The following MOB3A variants were observed in gnomAD, a reference collection of about 807,000 sequenced individuals.
The protein encoded by MOB3A is MOB LAK.
MOB3A carries 17 observed loss-of-function variants against 17.8 expected under a neutral mutation model. The ratio of observed to expected loss-of-function variants is 0.95; its 90% confidence interval spans 0.65 to 1.43. The LOEUF (loss-of-function observed/expected upper bound fraction) is 1.43. Ranked by LOEUF, MOB3A falls within the 40% of genes most tolerant of loss-of-function variation. The pLI, the probability that MOB3A is intolerant of heterozygous loss-of-function variation, is 0.00. For missense variants in MOB3A, 333 were observed against 310.8 expected (o/e 1.07, Z -0.54); for synonymous variants, 124 against 133.2 (o/e 0.93, Z 0.48).
Position 2,093,507 on chromosome 19 carries a change from G to A in MOB3A, c.-274+2719C>T, listed in dbSNP as rs531477509. ...ACACAGTGGGTGGCTGTGGTCCAGC[G>A]TGTGCCTGGCTGTGTATTTAGTAGA... On this transcript the variant is annotated intron_variant, in intron 1 of 4. Transcript: ENST00000357066. This position sits in a 1 kb window ranked among gnomAD's most constrained non-coding sequence, Gnocchi z 4.6. Among the ~76,000 whole-genome samples, 2 of 152,268 alleles carry A rather than the reference G, an allele frequency of 1.3e-5. No individual in the cohort carries two copies. Among genetic ancestry groups the A allele is most frequent in the East Asian group, 3.9e-4 (2 of 5,182 alleles).
chr19:2,077,131 T>C (rs1238154194), intron 3 of MOB3A, 118 bp from the exon 4 acceptor site: 1 of 848,114 alleles, frequency 1.2e-6, no homozygotes, highest in Non-Finnish European at 1.9e-6. Flanking sequence ...TCGGGCGCGG[T>C]GGCTGACGCC....
Position 2,090,759 on chromosome 19 carries a change from G to A in MOB3A, c.-273-5431C>T, listed in dbSNP as rs563572155. 2.0e-5 allele frequency among the ~76,000 whole-genome samples: 3 copies of A among 152,202 alleles called. No individual in the cohort carries two copies. The South Asian group carries it at 6.2e-4, about 32-fold the overall frequency. On this transcript the variant is annotated intron_variant, in intron 1 of 4. Transcript: ENST00000357066. ...TCTCACTGCAACCTCCGCCTACTGG[G>A]TTCACGCCATTCTCCTGCCTCAGCC...
chr19:2,085,388 TTTTTG>T (rs1289216908), intron 1 of MOB3A, 60 bp from the exon 2 acceptor site: 2 of 151,962 alleles, frequency 1.3e-5, no homozygotes, highest in Middle Eastern at 3.4e-3. Context: ...TTTTTTTTTT[TTTTTG>T]AACAACACAG....
intron 3 of MOB3A, among the ~76,000 whole-genome samples, chr19:2,077,552 G>A (rs1201187162): frequency 1.3e-5 from 2 of 152,142 alleles, no homozygotes; most frequent in Admixed American, 1.3e-4. Flanking sequence ...TCCCGCCAAC[G>A]GGGTGATGAT....
At chr19:2,075,854 G>A (rs946161123) in intron 4 of MOB3A, among the ~76,000 whole-genome samples, 1 of 152,134 alleles carries the variant, frequency 6.6e-6, no homozygotes, top group South Asian at 2.1e-4. Context: ...CAGGTGCGGT[G>A]GCTCCTGTCT....
intron 1 of MOB3A, among the ~76,000 whole-genome samples, chr19:2,087,743 C>A (rs1000954445): frequency 6.6e-6 from 1 of 152,156 alleles, no homozygotes; most frequent in African/African-American, 2.4e-5. Context: ...GAGGACTCAG[C>A]CCAAAGTTTC....
rs1403604686 is a variant in MOB3A, at chr19:2,076,965, G to A, written c.470C>T (p.Ser157Leu). The A allele has an allele frequency of 6.2e-7, 1 of 1,613,900 alleles. No homozygotes were observed. The highest frequency in any genetic ancestry group is 8.5e-7 in the Non-Finnish European group (1 of 1,180,018). Residue 157 changes from serine to leucine, a missense_variant, in exon 4 of 5, where the codon TCG (serine) becomes TTG (leucine). Coordinates refer to ENST00000357066, the MANE Select transcript of MOB3A (RefSeq NM_130807.3). ...GTGCACGAACACGCGGAACAGCCGC[G>A]ACAGGATCTTCCGCACCGTCTGCAG... ...NFLQTVRKIL[S>L]RLFRVFVHVY... is the part of the protein sequence containing the mutation.
Position 2,078,494 on chromosome 19 carries a change from C to T in MOB3A, c.67G>A (p.Glu23Lys), listed in dbSNP as rs1370048765. ...AGCTCGAAGCGCTGGGTGCCTGGCT[C>T]AAACTTGCGCTTGGGGCGGAATGTC... ...DKTFRPKRKF[E>K]PGTQRFELHK... The change falls in exon 3 of 5, where the codon GAG (glutamate) becomes AAG (lysine). Residue 23 changes from glutamate (E) to lysine (K), a missense_variant. Transcript: ENST00000357066. 6.2e-7 allele frequency: 1 copy of T among 1,606,848 alleles called. No homozygotes were observed. The highest frequency in any genetic ancestry group is 8.5e-7 in the Non-Finnish European group (1 of 1,174,796).
At chr19:2,076,301 G>A (rs530326710) in intron 4 of MOB3A, among the ~76,000 whole-genome samples, 6 of 148,920 alleles carry the variant, frequency 4.0e-5, no homozygotes, top group South Asian at 2.1e-4. Flanking sequence ...ACGTGGTGGC[G>A]CGTGCCTGTA....
chr19:2,088,240 C>T (rs1055442688), intron 1 of MOB3A, among the ~76,000 whole-genome samples: 3 of 152,248 alleles, frequency 2.0e-5, no homozygotes, highest in African/African-American at 7.2e-5. Flanking sequence ...TGAATGTCCA[C>T]AGTGCCGAGG....
intron 4 of MOB3A, among the ~76,000 whole-genome samples, chr19:2,074,301 G>C (rs558108423): frequency 2.0e-5 from 3 of 152,092 alleles, no homozygotes; most frequent in African/African-American, 7.2e-5. Flanking sequence ...AAAACAGGAA[G>C]CCAGGCCAGA....
chr19:2,090,638 G>C (rs139783609), intron 1 of MOB3A, among the ~76,000 whole-genome samples: 1 of 152,080 alleles, frequency 6.6e-6, no homozygotes, highest in Non-Finnish European at 1.5e-5. Flanking sequence ...AATGAAATAC[G>C]ACATTAAACA....
intron 2 of MOB3A, chr19:2,084,113 G>A (rs1216303747): frequency 2.0e-6 from 1 of 498,082 alleles, no homozygotes; most frequent in Non-Finnish European, 4.0e-6. Context: ...TTGTCTACCA[G>A]ACTCACACCA....
intron 1 of MOB3A, among the ~76,000 whole-genome samples, chr19:2,089,713 C>T (rs1406254551): frequency 6.6e-6 from 1 of 152,182 alleles, no homozygotes; most frequent in Non-Finnish European, 1.5e-5. Flanking sequence ...CTGGTTTACA[C>T]CGTCTGCCAT....
rs757394289 is a variant in MOB3A, at chr19:2,078,578, T to G, written c.-18A>C. The G allele has an allele frequency of 6.5e-7, 1 of 1,548,954 alleles. No individual in the cohort carries two copies. Among genetic ancestry groups the G allele is most frequent in the Non-Finnish European group, 8.7e-7 (1 of 1,144,290 alleles). Reference sequence around the variant, plus strand: ...TTGGACATCTTGGTGACGCCTGCTCTCCTGGACTTCTGTAGAGGGGTCCTG... The same window carrying G: ...TTGGACATCTTGGTGACGCCTGCTCGCCTGGACTTCTGTAGAGGGGTCCTG... On this transcript the variant is annotated 5_prime_UTR_variant, in exon 3 of 5. Coordinates refer to ENST00000357066, the MANE Select transcript of MOB3A (RefSeq NM_130807.3).
Position 2,073,456 on chromosome 19 carries a change from C to A in MOB3A, c.625-32G>T, listed in dbSNP as rs750036745. 1.9e-6 allele frequency: 3 copies of A among 1,613,762 alleles called. No homozygotes were observed. In the South Asian group the frequency reaches 3.3e-5, roughly 18 times the overall value. ...AGAGCAAGCAAGACATCAGCTCCCA[C>A]CAGCCACTCCTAAAAGGGGTGATGC... On this transcript the variant is annotated intron_variant, in intron 4 of 4. Transcript: ENST00000357066.
rs980258820 is a variant in MOB3A at position 2,082,518 on chromosome 19, G to A, written c.-120+2657C>T. 3.3e-5 allele frequency among the ~76,000 whole-genome samples: 5 copies of A among 152,048 alleles called. No individual in the cohort carries two copies. Among genetic ancestry groups the A allele is most frequent in the African/African-American group, 2.4e-5 (1 of 41,386 alleles). ...CTAGTGGGTGGATCGGCTGGGGCTC[G>A]AACCCTGGACTCTGTGGGTGGATCG... is the stretch of plus-strand genomic sequence containing the variant. On this transcript the variant is annotated intron_variant, in intron 2 of 4. Coordinates refer to ENST00000357066, the MANE Select transcript of MOB3A (RefSeq NM_130807.3). The surrounding 1 kb of genome is among the most constrained non-coding windows in gnomAD (Gnocchi z 4.1).
intron 1 of MOB3A, among the ~76,000 whole-genome samples, chr19:2,087,704 C>T (rs2017569028): frequency 1.3e-5 from 2 of 152,172 alleles, no homozygotes; most frequent in Admixed American, 6.6e-5. Context: ...AGTGATGAGA[C>T]GTCACGGACA....
intron 1 of MOB3A, among the ~76,000 whole-genome samples, chr19:2,094,182 G>A (rs1248726115): frequency 6.6e-6 from 1 of 151,914 alleles, no homozygotes; most frequent in Non-Finnish European, 1.5e-5. Context: ...GAGTAGCTGG[G>A]ACTACGGGCA....
Sources: gnomAD v4.1 joint callset for allele counts (sites outside exome capture counted in the v4.1 genomes callset) on GRCh38, gnomAD v4.1.1 for gene constraint, Gnocchi (gnomAD v3.1) non-coding constraint, MANE v1.5 for transcripts, NCBI Gene and HGNC (gene_info 2026-07-23, HGNC 2026-07-21) for gene names.